PAPPA: variants seen among roughly 807,000 people sequenced by gnomAD.
The protein encoded by PAPPA is pappalysin-1.
PAPPA carries 60 observed loss-of-function variants against 164.0 expected under a neutral mutation model. The observed-to-expected ratio is 0.37, with a 90% CI of 0.30 to 0.45. PAPPA has a LOEUF of 0.45. Among genes scored for constraint, PAPPA ranks in the 20% least tolerant of loss-of-function variants. The pLI, the probability that PAPPA is intolerant of heterozygous loss-of-function variation, is 1.00. For synonymous variants in PAPPA, 875 were observed against 814.1 expected, an observed-to-expected ratio of 1.07 and a Z score of -1.27; for missense variants, 1,782 against 2,087.3, an observed-to-expected ratio of 0.85 and a Z score of 2.85.
intron 10 of PAPPA, among the ~76,000 whole-genome samples, chr9:116,327,246 T>G (rs1845932279): frequency 6.6e-6 from 1 of 152,224 alleles, no homozygotes; most frequent in African/African-American, 2.4e-5. Flanking sequence ...AAAGGGTTAC[T>G]GTGTTACTTC....
chr9:116,362,815 C>A, intron 18 of PAPPA, 76 bp downstream of exon 18: 2 of 1,407,982 alleles, frequency 1.4e-6, no homozygotes, highest in Non-Finnish European at 1.9e-6. Context: ...CTGGGTGGGT[C>A]ATTGAACACC....
chr9:116,295,018 C>G (rs1485921485), intron 9 of PAPPA, among the ~76,000 whole-genome samples: 3 of 152,120 alleles, frequency 2.0e-5, no homozygotes, highest in South Asian at 2.1e-4. Flanking sequence ...TTTGCTTTCT[C>G]CTTGAGCTCT....
intron 6 of PAPPA, among the ~76,000 whole-genome samples, chr9:116,232,008 C>T (rs1468439483): frequency 6.6e-6 from 1 of 152,016 alleles, no homozygotes; most frequent in African/African-American, 2.4e-5. Flanking sequence ...CCTGCCTAGG[C>T]CTCCCAAAGT....
At chr9:116,295,113 G>C (rs1185227045) in intron 9 of PAPPA, among the ~76,000 whole-genome samples, 1 of 152,092 alleles carries the variant, frequency 6.6e-6, no homozygotes, top group African/African-American at 2.4e-5. Flanking sequence ...TCAATGGGCT[G>C]GAAGATTAGT....
Position 116,271,441 on chromosome 9 carries a change from C to G in PAPPA, c.2953+25C>G. ...GGTACGTCTTTTTCATTTCTTGTGG[C>G]CTTCATGAAGAAATGAACGGTGCAG... On this transcript the variant is annotated intron_variant, in intron 9 of 21. Transcript: ENST00000328252. The surrounding 1 kb of genome is among the most constrained non-coding windows in gnomAD (Gnocchi z 4.2). 1 of 1,512,310 alleles carries G rather than the reference C, an allele frequency of 6.6e-7. No homozygotes were observed. The allele number at this position is 1,512,310 out of a possible 1,614,324, so 93.7% of individuals were successfully genotyped here. A position where few individuals can be genotyped will look rare whatever the true frequency, so the allele number is the denominator to read the frequency against.
chr9:116,279,581 C>CT (rs913518196), intron 9 of PAPPA, among the ~76,000 whole-genome samples: 1 of 152,086 alleles, frequency 6.6e-6, no homozygotes, highest in Non-Finnish European at 1.5e-5. Context: ...CTCAGGGAAC[C>CT]GACTTGGTGC....
At chr9:116,201,174 G>C (rs879487706) in intron 2 of PAPPA, among the ~76,000 whole-genome samples, 15 of 152,202 alleles carry the variant, frequency 9.9e-5, no homozygotes, top group Admixed American at 9.2e-4. Flanking sequence ...TCAGGTTTTT[G>C]TACTGGTCAC....
At chr9:116,395,257 T>C (rs1399741329) in intron 21 of PAPPA, among the ~76,000 whole-genome samples, 2 of 152,122 alleles carry the variant, frequency 1.3e-5, no homozygotes, top group Admixed American at 1.3e-4. Flanking sequence ...TTTTAAATTA[T>C]TGCAAACTTT....
At position 116,154,352 on chromosome 9, in the gene PAPPA, G is replaced by A; in HGVS notation, c.180G>A (p.Pro60=). 2 of 826,466 alleles carry A rather than the reference G, an allele frequency of 2.4e-6. No homozygotes were observed. The highest frequency in any genetic ancestry group is 2.9e-6 in the Non-Finnish European group (2 of 683,830). The allele number at this position is 826,466 out of a possible 1,614,324, so 51.2% of individuals were successfully genotyped here. ...CCCGCGGCCGCCGCGCCTCGCCGCCGCCGCCGCCGCCGCCGGGCGGTGCCT... is the reference window on the plus strand; with the variant it reads ...CCCGCGGCCGCCGCGCCTCGCCGCCACCGCCGCCGCCGCCGGGCGGTGCCT... ...RAARGRRASP[P]PPPPPGGAWE... Residue 60 remains proline (P), a synonymous_variant, in exon 1 of 22, where the codon CCG becomes CCA. Transcript: ENST00000328252. This position sits in a 1 kb window ranked among gnomAD's most constrained non-coding sequence, Gnocchi z 5.2.
At chr9:116,377,762 T>A in intron 20 of PAPPA, 115 bp downstream of exon 20, 1 of 752,676 alleles carries the variant, frequency 1.3e-6, no homozygotes, top group Admixed American at 2.3e-5. Flanking sequence ...GTTGAAAATA[T>A]CCATTTAGCA....
intron 12 of PAPPA, among the ~76,000 whole-genome samples, chr9:116,333,600 G>A (rs1389481244): frequency 1.3e-5 from 2 of 152,140 alleles, no homozygotes; most frequent in Non-Finnish European, 2.9e-5. Flanking sequence ...AGATTTTCTT[G>A]TTTTGTTTTT....
intron 7 of PAPPA, among the ~76,000 whole-genome samples, chr9:116,264,182 C>T (rs954865660): frequency 2.6e-5 from 4 of 152,196 alleles, no homozygotes; most frequent in Admixed American, 1.3e-4. Flanking sequence ...TTAGAATTAT[C>T]ACCAGGTGAA....
rs78167370 is a variant in PAPPA at position 116,206,495 on chromosome 9, C to T, written c.1479-961C>T. Among the ~76,000 whole-genome samples, 987 of 152,222 alleles carry T rather than the reference C, an allele frequency of 6.5e-3. 29 individuals are homozygous for T. The East Asian group carries it at 0.1, about 16-fold the overall frequency. On this transcript the variant is annotated intron_variant, in intron 2 of 21. Transcript: ENST00000328252. ...TAGTCAGGAATTATTGAATTTGAGA[C>T]TGAGAGTTAAATATTTTTACTCTTA...
At chr9:116,234,370 T>G (rs756321702) in intron 6 of PAPPA, among the ~76,000 whole-genome samples, 12 of 151,912 alleles carry the variant, frequency 7.9e-5, no homozygotes, top group Non-Finnish European at 1.8e-4. Context: ...AGAAGCTCAG[T>G]GGTATGGAAT....
Position 116,271,403 on chromosome 9 carries a change from C to T in PAPPA, c.2940C>T (p.Ser980=), listed in dbSNP as rs533395522. 1.2e-5 allele frequency: 20 copies of T among 1,610,878 alleles called. No individual in the cohort carries two copies. In the South Asian group the frequency reaches 2.1e-4, roughly 17 times the overall value. Residue 980 remains serine (S), a synonymous_variant, in exon 9 of 22, where the codon TCC becomes TCT. Coordinates refer to ENST00000328252, the MANE Select transcript of PAPPA (RefSeq NM_002581.5). This position sits in a 1 kb window ranked among gnomAD's most constrained non-coding sequence, Gnocchi z 4.2. Reference sequence around the variant, plus strand: ...CCCTTTTCTGCCGACAAGAAGTCTCCTTCAATTGTATTGGTACGTCTTTTT... The same window carrying T: ...CCCTTTTCTGCCGACAAGAAGTCTCTTTCAATTGTATTGGTACGTCTTTTT... ...GCSLFCRQEV[S]FNCIDEPSRC...
At chr9:116,381,426 A>G (rs1050269900) in intron 20 of PAPPA, among the ~76,000 whole-genome samples, 1 of 152,248 alleles carries the variant, frequency 6.6e-6, no homozygotes, top group African/African-American at 2.4e-5. Context: ...TGCACCAGCT[A>G]CAGAAACATA....
At chr9:116,327,101 T>G (rs1234918208) in intron 10 of PAPPA, among the ~76,000 whole-genome samples, 1 of 152,200 alleles carries the variant, frequency 6.6e-6, no homozygotes, top group Admixed American at 6.5e-5. Flanking sequence ...TATCTCCTTT[T>G]CCATTTCCCT....
chr9:116,249,400 G>A (rs1318939069), intron 7 of PAPPA, among the ~76,000 whole-genome samples: 1 of 152,168 alleles, frequency 6.6e-6, no homozygotes, highest in African/African-American at 2.4e-5. Context: ...GAAGTTGACA[G>A]GGGTTAGATC....
chr9:116,266,691 G>A (rs1420475932), intron 8 of PAPPA, among the ~76,000 whole-genome samples: 1 of 152,078 alleles, frequency 6.6e-6, no homozygotes, highest in Non-Finnish European at 1.5e-5. Context: ...GGGGTGAGGA[G>A]CCACCAAGAC....
Sources: gnomAD v4.1 joint callset for allele counts (sites outside exome capture counted in the v4.1 genomes callset) on GRCh38, gnomAD v4.1.1 for gene constraint, Gnocchi (gnomAD v3.1) non-coding constraint, MANE v1.5 for transcripts, NCBI Gene and HGNC (gene_info 2026-07-23, HGNC 2026-07-21) for gene names.